The following SORCS1 variants were observed in gnomAD, a reference collection of about 807,000 sequenced individuals.
SORCS1 encodes sortilin related VPS10 domain containing receptor 1.
In SORCS1, 60 loss-of-function variants were observed where a neutral mutation model predicts 146.1. The observed-to-expected ratio is 0.41, with a 90% CI of 0.33 to 0.51. The LOEUF (loss-of-function observed/expected upper bound fraction) is 0.51, where lower values mean the gene tolerates loss of function less well. SORCS1 is among the 20% of genes least tolerant of loss of function. The pLI, the probability that SORCS1 is intolerant of heterozygous loss-of-function variation, is 0.21. For synonymous variants in SORCS1, 637 were observed against 584.0 expected (o/e 1.09, Z -1.31); for missense variants, 1,352 against 1,487.6 (o/e 0.91, Z 1.50).
At position 106,863,236 on chromosome 10, in the gene SORCS1, A is replaced by G. The variant is rs565753318; in HGVS notation, c.627-33563T>C. Among the ~76,000 whole-genome samples, 6 of 152,286 alleles carry G rather than the reference A, an allele frequency of 3.9e-5. No homozygotes were observed. In the East Asian group the frequency reaches 1.2e-3, roughly 29 times the overall value. On this transcript the variant is annotated intron_variant, in intron 2 of 25. Coordinates refer to ENST00000263054, the MANE Select transcript of SORCS1 (RefSeq NM_052918.5). ...AATAAAAATATTATATGAAATGCTT[A>G]CAGAGGGCTGGGCACGGTGACTCAC...
intron 23 of SORCS1, among the ~76,000 whole-genome samples, 157 bp downstream of exon 23, chr10:106,607,009 G>C (rs1309208081): frequency 6.6e-6 from 1 of 152,192 alleles, no homozygotes; most frequent in African/African-American, 2.4e-5. Flanking sequence ...AGCAGTGTGA[G>C]AACAGACTAA....
chr10:107,127,121 C>CAA (rs35533219), intron 1 of SORCS1, among the ~76,000 whole-genome samples: 4 of 150,680 alleles, frequency 2.7e-5, no homozygotes, highest in Admixed American at 6.6e-5. Flanking sequence ...TTGCATAAAA[C>CAA]AAAAAAAAAT....
At chr10:106,813,261 T>G (rs1327031381) in intron 3 of SORCS1, among the ~76,000 whole-genome samples, 1 of 149,394 alleles carries the variant, frequency 6.7e-6, no homozygotes, top group African/African-American at 2.5e-5. Context: ...GCCTCCTGAA[T>G]AGCTGAAATT....
chr10:106,828,842 T>A (rs1003595326), intron 3 of SORCS1, among the ~76,000 whole-genome samples: 1 of 152,194 alleles, frequency 6.6e-6, no homozygotes, highest in African/African-American at 2.4e-5. Context: ...GCTCTCATAA[T>A]AGGAGATGTA....
chr10:106,747,048 T>G (rs1857795431), intron 5 of SORCS1, among the ~76,000 whole-genome samples: 1 of 152,242 alleles, frequency 6.6e-6, no homozygotes, highest in Non-Finnish European at 1.5e-5. Context: ...GGCTTTGTAA[T>G]TCAATTATTG....
chr10:106,585,448 G>A (rs1429671841), intron 24 of SORCS1, among the ~76,000 whole-genome samples: 1 of 152,074 alleles, frequency 6.6e-6, no homozygotes, highest in East Asian at 1.9e-4. Context: ...ACACACAAAT[G>A]TTCCCCTTTG....
intron 2 of SORCS1, among the ~76,000 whole-genome samples, chr10:106,915,997 C>T (rs1952406912): frequency 6.6e-6 from 1 of 152,162 alleles, no homozygotes; most frequent in African/African-American, 2.4e-5. Context: ...CTTGATGGCT[C>T]TATCGAGACT....
At chr10:106,902,672 T>C (rs181474069) in intron 2 of SORCS1, among the ~76,000 whole-genome samples, 3 of 152,380 alleles carry the variant, frequency 2.0e-5, no homozygotes, top group African/African-American at 7.2e-5. Context: ...GTATAAAATA[T>C]GCATGCATAC....
At chr10:107,165,453 C>T (rs1232298303), upstream of SORCS1, among the ~76,000 whole-genome samples, 1 of 152,028 alleles carries the variant, frequency 6.6e-6, no homozygotes, top group Admixed American at 6.6e-5. This position sits in a 1 kb window ranked among gnomAD's most constrained non-coding sequence, Gnocchi z 4.0. Flanking sequence ...TTCCACTACG[C>T]GTTTTTTAAG....
rs1390966135 is a variant in SORCS1 at position 106,960,463 on chromosome 10, G to A, written c.559-3883C>T. Reference sequence around the variant, plus strand: ...CTCTGTCGCCAGGCTGGAGTGCAGTGGCGTGATCTCGGCTCACTGCAACCT... The same window carrying A: ...CTCTGTCGCCAGGCTGGAGTGCAGTAGCGTGATCTCGGCTCACTGCAACCT... On this transcript the variant is annotated intron_variant, in intron 1 of 25. Transcript: ENST00000263054. The surrounding 1 kb of genome is among the most constrained non-coding windows in gnomAD (Gnocchi z 4.4). 6.6e-6 allele frequency among the ~76,000 whole-genome samples: 1 copy of A among 151,288 alleles called. No homozygotes were observed. The highest frequency in any genetic ancestry group is 1.5e-5 in the Non-Finnish European group (1 of 67,916).
At chr10:106,747,834 G>A (rs866651339) in intron 5 of SORCS1, among the ~76,000 whole-genome samples, 3 of 151,992 alleles carry the variant, frequency 2.0e-5, no homozygotes, top group Non-Finnish European at 4.4e-5. Flanking sequence ...ATAAATGTTT[G>A]AGAAGATGGA....
chr10:107,031,644 C>A (rs1380524728), intron 1 of SORCS1, among the ~76,000 whole-genome samples: 1 of 151,580 alleles, frequency 6.6e-6, no homozygotes, highest in African/African-American at 2.4e-5. Context: ...CACTTTGTCA[C>A]CCAGGCTGGA....
chr10:106,864,488 G>A (rs1057197608), intron 2 of SORCS1, among the ~76,000 whole-genome samples: 1 of 152,202 alleles, frequency 6.6e-6, no homozygotes, highest in African/African-American at 2.4e-5. Context: ...CACATGCAGA[G>A]ACGTGGGAAC....
At chr10:106,955,302 C>T (rs994490357) in intron 2 of SORCS1, among the ~76,000 whole-genome samples, 4 of 152,238 alleles carry the variant, frequency 2.6e-5, no homozygotes, top group African/African-American at 4.8e-5. Flanking sequence ...GCGCCCAAGG[C>T]GGAGGCCCCT....
At chr10:106,892,581 T>C (rs941369364) in intron 2 of SORCS1, among the ~76,000 whole-genome samples, 4 of 152,208 alleles carry the variant, frequency 2.6e-5, no homozygotes, top group African/African-American at 9.6e-5. Flanking sequence ...ATCCACCCAT[T>C]TATTCATTCA....
intron 2 of SORCS1, among the ~76,000 whole-genome samples, chr10:106,950,660 T>C (rs1290744261): frequency 6.6e-6 from 1 of 151,974 alleles, no homozygotes; most frequent in Non-Finnish European, 1.5e-5. Context: ...AATATACACA[T>C]ATATTTCTAT....
At chr10:106,679,179 G>T (rs1852251936) in intron 12 of SORCS1, 77 bp downstream of exon 12, 7 of 1,092,982 alleles carry the variant, frequency 6.4e-6, no homozygotes, top group Non-Finnish European at 9.5e-6. Context: ...GCTGAAAAAA[G>T]TTCCCAGATT....
At chr10:106,779,464 T>C (rs1339652765) in intron 3 of SORCS1, among the ~76,000 whole-genome samples, 1 of 152,176 alleles carries the variant, frequency 6.6e-6, no homozygotes, top group East Asian at 1.9e-4. Flanking sequence ...TTCTTTCTAC[T>C]TCTTTATCCA....
intron 1 of SORCS1, among the ~76,000 whole-genome samples, chr10:107,018,295 C>T (rs996912100): frequency 1.3e-5 from 2 of 152,066 alleles, no homozygotes; most frequent in Non-Finnish European, 1.5e-5. Context: ...CTGCCTCAGC[C>T]TCCCGGGTAG....
Sources: gnomAD v4.1 joint callset for allele counts (sites outside exome capture counted in the v4.1 genomes callset) on GRCh38, gnomAD v4.1.1 for gene constraint, Gnocchi (gnomAD v3.1) non-coding constraint, MANE v1.5 for transcripts, NCBI Gene and HGNC (gene_info 2026-07-23, HGNC 2026-07-21) for gene names.